LRRC23: variants seen among roughly 807,000 people sequenced by gnomAD.
The protein encoded by LRRC23 is leucine rich repeat containing 23, also known as leucine-rich repeat-containing protein 23.
LRRC23 carries 28 observed loss-of-function variants against 37.7 expected under a neutral mutation model. That is an observed-to-expected ratio of 0.74 (90% CI 0.55 to 1.02). The LOEUF (loss-of-function observed/expected upper bound fraction) is 1.02, where lower values mean the gene tolerates loss of function less well. Ranked by LOEUF, LRRC23 falls within the 50% of genes least tolerant of loss-of-function variation. The pLI is 0.00. For missense variants in LRRC23, 377 were observed against 413.2 expected (o/e 0.91, Z 0.76); for synonymous variants, 161 against 165.4 (o/e 0.97, Z 0.20).
chr12:6,910,718 C>A (rs1207050204), intron 6 of LRRC23, among the ~76,000 whole-genome samples: 2 of 150,096 alleles, frequency 1.3e-5, no homozygotes, highest in African/African-American at 4.9e-5. Flanking sequence ...AAAAACAAAA[C>A]AAAAATAAAA....
intron 7 of LRRC23, 91 bp downstream of exon 7, chr12:6,913,118 T>G (rs1591646925): frequency 7.5e-7 from 1 of 1,331,612 alleles, no homozygotes; most frequent in Non-Finnish European, 1.0e-6. Flanking sequence ...CAGAAGGAGG[T>G]GGGAGAGGAA....
intron 5 of LRRC23, among the ~76,000 whole-genome samples, chr12:6,908,716 C>T (rs782363880): frequency 4.7e-4 from 65 of 138,162 alleles, no homozygotes; most frequent in African/African-American, 1.6e-3. Context: ...CCCAGCTACT[C>T]GGGAGGCTGA....
chr12:6,905,859 C>A lies in LRRC23; in HGVS notation c.141C>A (p.Pro47=), dbSNP rs147166327. ...TCTACCTGCAGTGGCTGCCCACCCC[C>A]CTCACGGAGGACATGATGAAGGAAG... ...EEFPEEWLPT[P]LTEDMMKEGL... is the part of the protein sequence containing the mutation. The change falls in exon 3 of 8, where the codon CCC becomes CCA. Residue 47 remains proline (P), a synonymous_variant. Coordinates refer to ENST00000443597, the MANE Select transcript of LRRC23 (RefSeq NM_001135217.2). 4 of 1,613,954 alleles carry A rather than the reference C, an allele frequency of 2.5e-6. No individual in the cohort carries two copies. The highest frequency in any genetic ancestry group is 3.4e-6 in the Non-Finnish European group (4 of 1,179,986).
In LRRC23 at chr12:6,906,480, TGACA is replaced by T. The variant is rs1160674127; in HGVS notation, c.312_315del (p.Asp105CysfsTer25). The T allele has an allele frequency of 1.2e-6, 2 of 1,614,210 alleles. No individual in the cohort carries two copies. The highest frequency in any genetic ancestry group is 1.7e-6 in the Non-Finnish European group (2 of 1,180,026). On this transcript the variant is annotated frameshift_variant, in exon 4 of 8. Transcript: ENST00000443597. LOFTEE classifies it high-confidence loss of function. ...TATGTGGATATTTCTGAGAACCACC[TGACA>T]GACCTGTCTCCACTCAACTACCTCA... is the stretch of plus-strand genomic sequence containing the variant.
At chr12:6,910,250 T>G (rs782638972) in intron 6 of LRRC23, among the ~76,000 whole-genome samples, 39 of 152,248 alleles carry the variant, frequency 2.6e-4, no homozygotes, top group Middle Eastern at 3.4e-3. Context: ...ATTGAGAATG[T>G]GCTATGTGCC....
chr12:6,909,096 A>ATATAAT (rs1945040026), intron 5 of LRRC23, among the ~76,000 whole-genome samples: 2 of 27,194 alleles, frequency 7.4e-5, no homozygotes, highest in African/African-American at 5.6e-4. Flanking sequence ...ATTATATATT[A>ATATAAT]TATATAATAT....
intron 6 of LRRC23, 61 bp from the exon 7 acceptor site, chr12:6,912,669 C>T: frequency 1.3e-6 from 2 of 1,493,666 alleles, no homozygotes; most frequent in South Asian, 2.3e-5. Flanking sequence ...GGCCCCATTC[C>T]TAGCAACTGG....
chr12:6,911,095 CT>C (rs1945149790), intron 6 of LRRC23, among the ~76,000 whole-genome samples: 1 of 152,002 alleles, frequency 6.6e-6, no homozygotes, highest in Non-Finnish European at 1.5e-5. Flanking sequence ...AAGGGATGAC[CT>C]TTTTACTGAT....
intron 3 of LRRC23, 28 bp downstream of exon 3, chr12:6,905,982 C>G (rs781793986): frequency 2.0e-5 from 31 of 1,574,250 alleles, no homozygotes; most frequent in Non-Finnish European, 2.7e-5. Flanking sequence ...CAGATGAGGA[C>G]TGTGAGACTG....
In LRRC23 at chr12:6,914,073, C is replaced by T. The variant is rs782605530; in HGVS notation, c.*207C>T. The stretch of plus-strand genomic sequence containing the variant: ...TGGGGTGCAGAATGGGGTGCCTAGG[C>T]CTGAGCGTTGCCTGGAGCCTAGGCC... On this transcript the variant is annotated 3_prime_UTR_variant, in exon 8 of 8. Transcript: ENST00000443597. This position sits in a 1 kb window ranked among gnomAD's most constrained non-coding sequence, Gnocchi z 7.1. 3.2e-6 allele frequency: 5 copies of T among 1,562,032 alleles called. No individual in the cohort carries two copies. In the Admixed American group the frequency reaches 9.8e-5, roughly 30 times the overall value.
At chr12:6,909,619 G>C (rs782377696) in intron 5 of LRRC23, among the ~76,000 whole-genome samples, 29 of 146,890 alleles carry the variant, frequency 2.0e-4, no homozygotes, top group African/African-American at 7.0e-4. Context: ...GGGGCTCCTG[G>C]GCCGGGTAGG....
chr12:6,908,622 C>CAAAAAAAAAAAAA (rs1565552999), intron 5 of LRRC23, among the ~76,000 whole-genome samples: 1 of 65,706 alleles, frequency 1.5e-5, no homozygotes, highest in African/African-American at 5.7e-5. Flanking sequence ...AAAAAAAAAC[C>CAAAAAAAAAAAAA]AAAGAAAAAC....
chr12:6,909,964 C>A lies in LRRC23; in HGVS notation c.696C>A (p.Asn232Lys), dbSNP rs1555140498. 1 of 1,613,892 alleles carries A rather than the reference C, an allele frequency of 6.2e-7. No individual in the cohort carries two copies. Among genetic ancestry groups the A allele is most frequent in the Non-Finnish European group, 8.5e-7 (1 of 1,179,916 alleles). The change falls in exon 6 of 8, where the codon AAC becomes AAA. Residue 232 changes from asparagine (N) to lysine (K), a missense_variant. Coordinates refer to ENST00000443597, the MANE Select transcript of LRRC23 (RefSeq NM_001135217.2). ...SNLTTLHLRD[N>K]QIDTLSGFSR... is the part of the protein sequence containing the mutation. ...TCACCACCTTGCATCTTCGAGACAA[C>A]CAGATTGACACCCTGAGTGGCTTCT...
chr12:6,913,479 G>A (rs1262688018), intron 7 of LRRC23, among the ~76,000 whole-genome samples: 1 of 148,888 alleles, frequency 6.7e-6, no homozygotes, highest in African/African-American at 2.5e-5. Context: ...GGCAGAGTGA[G>A]GCAAAAAGAG....
At position 6,907,394 on chromosome 12, in the gene LRRC23, G is replaced by C. The variant is rs1555139787; in HGVS notation, c.570G>C (p.Gln190His). ...SLHTVELRGN[Q>H]LESTLGINLP... The stretch of plus-strand genomic sequence containing the variant: ...ACACAGTGGAGCTTCGGGGGAACCA[G>C]CTGGAAAGCACCCTGGGAATCAATC... Residue 190 changes from glutamine (Q) to histidine (H), a missense_variant, in exon 5 of 8, where the codon CAG (glutamine) becomes CAC (histidine). Transcript: ENST00000443597. The C allele has an allele frequency of 1.2e-6, 2 of 1,614,024 alleles. No homozygotes were observed. Among genetic ancestry groups the C allele is most frequent in the Admixed American group, 1.7e-5 (1 of 60,006 alleles).
At chr12:6,906,074 G>C in intron 3 of LRRC23, 120 bp downstream of exon 3, 1 of 892,760 alleles carries the variant, frequency 1.1e-6, no homozygotes, top group South Asian at 1.5e-5. Flanking sequence ...AGTGGAAAGG[G>C]AAGGACAGAA....
chr12:6,907,168 C>A, intron 4 of LRRC23, 147 bp from the exon 5 acceptor site: 1 of 892,874 alleles, frequency 1.1e-6, no homozygotes, highest in Non-Finnish European at 1.8e-6. Context: ...TGCCTCAGGG[C>A]TCCAGAGGTA....
In LRRC23 at chr12:6,905,598, C is replaced by A. The variant is rs781929681; in HGVS notation, c.-36C>A. 6 of 1,611,804 alleles carry A rather than the reference C, an allele frequency of 3.7e-6. No homozygotes were observed. The highest frequency in any genetic ancestry group is 1.1e-5 in the South Asian group (1 of 90,788). ...CTTCTTTTTCAGGAGGAGGACTGAG[C>A]TTATCTGACTCCAGAGCTTTCAGGA... On this transcript the variant is annotated 5_prime_UTR_variant, in exon 2 of 8. Transcript: ENST00000443597.
chr12:6,907,445 G>C lies in LRRC23; in HGVS notation c.621G>C (p.Leu207=), dbSNP rs782190603. The change falls in exon 5 of 8, where the codon CTG becomes CTC. Residue 207 remains leucine (L), a splice_region_variant and synonymous_variant. Coordinates refer to ENST00000443597, the MANE Select transcript of LRRC23 (RefSeq NM_001135217.2). ...INLPKLKNLY[L]AQNMLKKVEG... Reference sequence around the variant, plus strand: ...TTCCTAAGCTGAAGAACCTCTACCTGGTAGCTCACTGGGTCAGAGGGTGGT... The same window carrying C: ...TTCCTAAGCTGAAGAACCTCTACCTCGTAGCTCACTGGGTCAGAGGGTGGT... 1.9e-6 allele frequency: 3 copies of C among 1,614,008 alleles called. No individual in the cohort carries two copies. Among genetic ancestry groups the C allele is most frequent in the Non-Finnish European group, 2.5e-6 (3 of 1,179,990 alleles).
Sources: gnomAD v4.1 joint callset for allele counts (sites outside exome capture counted in the v4.1 genomes callset) on GRCh38, gnomAD v4.1.1 for gene constraint, Gnocchi (gnomAD v3.1) non-coding constraint, MANE v1.5 for transcripts, NCBI Gene and HGNC (gene_info 2026-07-23, HGNC 2026-07-21) for gene names.